Variants in SIK3 observed in about 807,000 individuals in gnomAD.
The protein encoded by SIK3 is serine/threonine-protein kinase SIK3.
A neutral mutation model predicts 144.2 loss-of-function variants in SIK3; 28 were observed. That is an observed-to-expected ratio of 0.19 (90% CI 0.14 to 0.27). The LOEUF (loss-of-function observed/expected upper bound fraction) is 0.27, where lower values mean the gene tolerates loss of function less well. Ranked by LOEUF, SIK3 falls within the 10% of genes least tolerant of loss-of-function variation. The pLI is 1.00. For missense variants in SIK3, 1,319 were observed against 1,776.0 expected (o/e 0.74, Z 4.62); for synonymous variants, 686 against 676.3 (o/e 1.01, Z -0.22).
intron 3 of SIK3, among the ~76,000 whole-genome samples, chr11:116,936,708 C>T (rs565840566): frequency 6.6e-6 from 1 of 152,340 alleles, no homozygotes; most frequent in East Asian, 1.9e-4. Flanking sequence ...TCATCCTTTA[C>T]ATTGTTACCA....
chr11:116,864,602 C>T (rs1297361877), intron 15 of SIK3: 1 of 152,278 alleles, frequency 6.6e-6, no homozygotes, highest in East Asian at 1.9e-4. Flanking sequence ...ATGCCTAAGA[C>T]AGCATCGGGG....
At chr11:117,046,715 C>CA (rs1455174787) in intron 1 of SIK3, among the ~76,000 whole-genome samples, 6 of 151,854 alleles carry the variant, frequency 4.0e-5, no homozygotes, top group Admixed American at 6.6e-5. Flanking sequence ...CCCGTCTCTA[C>CA]AAAAAAATAC....
chr11:117,091,469 G>C (rs1955247012), intron 1 of SIK3, among the ~76,000 whole-genome samples: 1 of 152,012 alleles, frequency 6.6e-6, no homozygotes, highest in East Asian at 1.9e-4. Context: ...GCCTCCCAAA[G>C]TGCTGGAATT....
intron 23 of SIK3, 142 bp downstream of exon 23, chr11:116,847,334 A>C: frequency 8.5e-7 from 1 of 1,175,256 alleles, no homozygotes; most frequent in Non-Finnish European, 1.2e-6. Context: ...CAGTGGGGAA[A>C]GGGGCTGTGT....
At chr11:117,052,799 G>C (rs1160986482) in intron 1 of SIK3, among the ~76,000 whole-genome samples, 1 of 152,198 alleles carries the variant, frequency 6.6e-6, no homozygotes, top group Non-Finnish European at 1.5e-5. Flanking sequence ...TGGTTGAAGA[G>C]CTTGCTAAGG....
Position 116,975,943 on chromosome 11 carries a change from T to C in SIK3, c.274-18879A>G, listed in dbSNP as rs149304753. On this transcript the variant is annotated intron_variant, in intron 1 of 24. Transcript: ENST00000445177. The stretch of plus-strand genomic sequence containing the variant: ...ACGTGGTATCTCATTGAGGATTTCA[T>C]TTGCATTTTCCTAATGACTAATGAT... Among the ~76,000 whole-genome samples, 1,143 of 152,322 alleles carry C rather than the reference T, an allele frequency of 7.5e-3. 8 individuals are homozygous for C. Among genetic ancestry groups the C allele is most frequent in the Non-Finnish European group, 0.011 (756 of 68,026 alleles).
chr11:117,031,366 C>CTTTTTTTT (rs778165535), intron 1 of SIK3, among the ~76,000 whole-genome samples: 13 of 139,590 alleles, frequency 9.3e-5, no homozygotes, highest in East Asian at 2.0e-4. Flanking sequence ...TCCTTTTTTC[C>CTTTTTTTT]TTTTTTTTTT....
intron 4 of SIK3, among the ~76,000 whole-genome samples, chr11:116,922,905 C>CT (rs1565455993): frequency 1.7e-4 from 20 of 118,700 alleles, no homozygotes; most frequent in Admixed American, 3.3e-4. Flanking sequence ...CTTTTCTTTT[C>CT]TCTTTTTTTT....
At chr11:116,859,702 A>G (rs1314784112) in intron 19 of SIK3, 98 bp from the exon 20 acceptor site, 11 of 1,013,370 alleles carry the variant, frequency 1.1e-5, no homozygotes, top group Non-Finnish European at 1.3e-5. Context: ...CATACCAGCT[A>G]GAACAGTGCT....
At chr11:117,077,045 A>T (rs1954577965) in intron 1 of SIK3, among the ~76,000 whole-genome samples, 1 of 152,192 alleles carries the variant, frequency 6.6e-6, no homozygotes, top group East Asian at 1.9e-4. Context: ...AGTCCTAGCT[A>T]TTCAGGAAAC....
chr11:117,001,738 G>T (rs745954928), intron 1 of SIK3, among the ~76,000 whole-genome samples: 18 of 152,074 alleles, frequency 1.2e-4, no homozygotes, highest in Non-Finnish European at 2.2e-4. Flanking sequence ...TTACAGGCAT[G>T]AACCACTGTA....
chr11:117,051,291 T>G (rs1383201789), intron 1 of SIK3, among the ~76,000 whole-genome samples: 1 of 152,070 alleles, frequency 6.6e-6, no homozygotes, highest in Non-Finnish European at 1.5e-5. Flanking sequence ...ATTCCCCTGG[T>G]TCTCAGGACC....
Position 116,849,655 on chromosome 11 carries a change from G to C in SIK3, c.3656-372C>G, listed in dbSNP as rs1942275504. 6.6e-6 allele frequency among the ~76,000 whole-genome samples: 1 copy of C among 152,120 alleles called. No individual in the cohort carries two copies. ...TAGCCCTAGAGGATGCATCTGTTCT[G>C]TGGCTGGCTGCGTCCTCTCTCCTCC... On this transcript the variant is annotated intron_variant, in intron 21 of 24. Coordinates refer to ENST00000445177, the MANE Select transcript of SIK3 (RefSeq NM_001366686.3). The surrounding 1 kb of genome is among the most constrained non-coding windows in gnomAD (Gnocchi z 4.2).
rs547197565 is a variant in SIK3, at chr11:116,941,050, A to G, written c.454+12994T>C. ...GAGACGGAGCCTCGCTCTGTCCCCC[A>G]GGCTGGAGTGCAGTGGCGCAATCTC... On this transcript the variant is annotated intron_variant, in intron 3 of 24. Coordinates refer to ENST00000445177, the MANE Select transcript of SIK3 (RefSeq NM_001366686.3). Among the ~76,000 whole-genome samples, 9 of 152,220 alleles carry G rather than the reference A, an allele frequency of 5.9e-5. No individual in the cohort carries two copies. The South Asian group carries it at 1.7e-3, about 28-fold the overall frequency.
At position 116,895,924 on chromosome 11, in the gene SIK3, A is replaced by G. The variant is rs186534835; in HGVS notation, c.865+329T>C. On this transcript the variant is annotated intron_variant, in intron 6 of 24. Transcript: ENST00000445177. ...GCATTTATTGCATTACTGCTATGCC[A>G]TGGGCCTACTGAGTCTTCACATACA... Among the ~76,000 whole-genome samples, 12 of 152,356 alleles carry G rather than the reference A, an allele frequency of 7.9e-5. No homozygotes were observed. The East Asian group carries it at 2.3e-3, about 29-fold the overall frequency.
intron 14 of SIK3, among the ~76,000 whole-genome samples, chr11:116,868,320 G>A (rs533176701): frequency 6.6e-6 from 1 of 152,348 alleles, no homozygotes; most frequent in Admixed American, 6.5e-5. Context: ...AGCCATTGAA[G>A]AGAAGAGAGA....
intron 1 of SIK3, among the ~76,000 whole-genome samples, chr11:117,041,909 CT>C (rs58194633): frequency 0.37 from 56,566 of 151,880 alleles, 12,876 homozygotes; most frequent in African/African-American, 0.65. Flanking sequence ...TATCCCTACT[CT>C]TTTTTTTCAT....
chr11:116,975,366 C>T (rs1466371819), intron 1 of SIK3, among the ~76,000 whole-genome samples: 1 of 152,112 alleles, frequency 6.6e-6, no homozygotes, highest in East Asian at 1.9e-4. Context: ...CATTCCCCCA[C>T]TCCTATCCCT....
At chr11:116,861,249 G>C in intron 19 of SIK3, 25 bp downstream of exon 19, 3 of 1,504,280 alleles carry the variant, frequency 2.0e-6, no homozygotes, top group South Asian at 1.2e-5. Context: ...AAAATGAACT[G>C]TTTGGTCTGA....
Sources: gnomAD v4.1 joint callset for allele counts (sites outside exome capture counted in the v4.1 genomes callset) on GRCh38, gnomAD v4.1.1 for gene constraint, Gnocchi (gnomAD v3.1) non-coding constraint, MANE v1.5 for transcripts, NCBI Gene and HGNC (gene_info 2026-07-23, HGNC 2026-07-21) for gene names.